GRID1: variants seen among roughly 807,000 people sequenced by gnomAD.
GRID1 encodes glutamate ionotropic receptor delta type subunit 1, also known as glutamate receptor ionotropic, delta-1.
GRID1 carries 28 observed loss-of-function variants against 98.0 expected under a neutral mutation model. The ratio of observed to expected loss-of-function variants is 0.29; its 90% CI spans 0.21 to 0.39. The LOEUF (loss-of-function observed/expected upper bound fraction) is 0.39, where lower values mean the gene tolerates loss of function less well. Among genes scored for constraint, GRID1 ranks in the 10% least tolerant of loss-of-function variants. The pLI, the probability that GRID1 is intolerant of heterozygous loss-of-function variation, is 1.00. For missense variants in GRID1, 1,111 were observed against 1,340.5 expected (o/e 0.83, Z 2.67); for synonymous variants, 553 against 538.5 (o/e 1.03, Z -0.37).
chr10:86,076,771 G>C (rs1309336087), intron 4 of GRID1, among the ~76,000 whole-genome samples: 2 of 137,070 alleles, frequency 1.5e-5, no homozygotes, highest in African/African-American at 5.4e-5. Flanking sequence ...TGAGGGCTGT[G>C]AGGGGGATTT....
intron 3 of GRID1, among the ~76,000 whole-genome samples, chr10:86,185,331 C>A (rs1845712997): frequency 6.6e-6 from 1 of 152,118 alleles, no homozygotes; most frequent in Admixed American, 6.5e-5. Flanking sequence ...TTTTAGACTG[C>A]AATGTTGCTA....
chr10:85,968,405 C>A (rs895388778), intron 4 of GRID1, among the ~76,000 whole-genome samples: 2 of 146,494 alleles, frequency 1.4e-5, no homozygotes, highest in South Asian at 4.3e-4. Flanking sequence ...GAGCCGGGAT[C>A]GCGCCACTGC....
intron 4 of GRID1, among the ~76,000 whole-genome samples, chr10:85,968,390 G>T (rs1842365320): frequency 6.7e-6 from 1 of 149,292 alleles, no homozygotes; most frequent in Non-Finnish European, 1.5e-5. Flanking sequence ...GGCGGAGCTG[G>T]CTGTGAGCCG....
At chr10:86,135,975 T>C (rs930903759) in intron 4 of GRID1, among the ~76,000 whole-genome samples, 6 of 152,064 alleles carry the variant, frequency 3.9e-5, no homozygotes, top group Admixed American at 2.0e-4. Context: ...CTGCATAACA[T>C]TGACATGCAG....
chr10:85,685,244 A>T (rs1300327599), intron 12 of GRID1, among the ~76,000 whole-genome samples: 1 of 152,224 alleles, frequency 6.6e-6, no homozygotes, highest in Non-Finnish European at 1.5e-5. Context: ...TGGATTTAAA[A>T]TCAATACACA....
chr10:86,323,267 C>T (rs890091426), intron 2 of GRID1, among the ~76,000 whole-genome samples: 1 of 152,198 alleles, frequency 6.6e-6, no homozygotes, highest in African/African-American at 2.4e-5. Context: ...CTTCACTCAG[C>T]CTCACTTTCT....
intron 13 of GRID1, among the ~76,000 whole-genome samples, chr10:85,638,989 C>T (rs1843082072): frequency 6.6e-6 from 1 of 152,122 alleles, no homozygotes; most frequent in African/African-American, 2.4e-5. Context: ...GAGTATATTA[C>T]CAGAGGTGAT....
intron 5 of GRID1, among the ~76,000 whole-genome samples, chr10:85,892,416 G>A (rs1841216146): frequency 6.6e-6 from 1 of 151,554 alleles, no homozygotes; most frequent in African/African-American, 2.4e-5. Flanking sequence ...ACCAAAGAGA[G>A]GCAAAGAAAA....
At chr10:86,191,424 C>T (rs1845801034) in intron 3 of GRID1, among the ~76,000 whole-genome samples, 1 of 151,976 alleles carries the variant, frequency 6.6e-6, no homozygotes, top group Non-Finnish European at 1.5e-5. Context: ...GAAGGTGAGT[C>T]CCTGGGTGTG....
At chr10:86,081,965 C>A (rs753649469) in intron 4 of GRID1, among the ~76,000 whole-genome samples, 12 of 152,104 alleles carry the variant, frequency 7.9e-5, no homozygotes, top group South Asian at 4.1e-4. Context: ...ATTTACAGCA[C>A]CAAAGAGTGA....
At chr10:86,182,191 G>A (rs975604387) in intron 3 of GRID1, among the ~76,000 whole-genome samples, 1 of 152,156 alleles carries the variant, frequency 6.6e-6, no homozygotes, top group South Asian at 2.1e-4. Context: ...CAGGGTCTGC[G>A]GGTGCTTCCC....
At chr10:86,102,646 G>A (rs867680807) in intron 4 of GRID1, among the ~76,000 whole-genome samples, 13 of 152,366 alleles carry the variant, frequency 8.5e-5, no homozygotes, top group African/African-American at 3.1e-4. Flanking sequence ...GTCCTGGAAA[G>A]GCCCTACCTG....
chr10:86,135,559 G>A (rs17319891), intron 4 of GRID1, among the ~76,000 whole-genome samples: 9,537 of 151,894 alleles, frequency 0.063, 363 homozygotes, highest in Middle Eastern at 0.18. Context: ...GGCCTCAGAG[G>A]ATGAATGTGG....
At chr10:85,886,668 G>C (rs918849346) in intron 5 of GRID1, among the ~76,000 whole-genome samples, 1 of 152,186 alleles carries the variant, frequency 6.6e-6, no homozygotes, top group Non-Finnish European at 1.5e-5. Context: ...TTCAAGCCAG[G>C]TTGAGGGACA....
At chr10:86,292,157 C>T (rs975785056) in intron 2 of GRID1, among the ~76,000 whole-genome samples, 45 of 152,234 alleles carry the variant, frequency 3.0e-4, no homozygotes, top group Non-Finnish European at 5.7e-4. Flanking sequence ...AAAGCACGCA[C>T]GCCCCAGCAC....
chr10:85,791,698 G>GA (rs1842482405), intron 8 of GRID1, among the ~76,000 whole-genome samples: 1 of 152,080 alleles, frequency 6.6e-6, no homozygotes, highest in Admixed American at 6.5e-5. Context: ...TCTCTTAGGG[G>GA]AAAAAAGATT....
intron 4 of GRID1, among the ~76,000 whole-genome samples, chr10:85,979,205 C>T (rs1842512008): frequency 6.6e-6 from 1 of 152,158 alleles, no homozygotes; most frequent in Admixed American, 6.5e-5. Context: ...CTCCCATGGC[C>T]TCCAGTGCCC....
chr10:85,685,955 A>T (rs962443028), intron 12 of GRID1, among the ~76,000 whole-genome samples: 4 of 152,192 alleles, frequency 2.6e-5, no homozygotes, highest in Admixed American at 6.5e-5. Context: ...AAAAAAACTA[A>T]ATGGAAAGAT....
intron 5 of GRID1, among the ~76,000 whole-genome samples, chr10:85,886,593 T>A (rs1841121492): frequency 6.6e-6 from 1 of 152,206 alleles, no homozygotes; most frequent in Non-Finnish European, 1.5e-5. Context: ...TTACTCTCTG[T>A]ATCTTTTAAG....
Sources: allele counts gnomAD v4.1 joint callset (sites outside exome capture counted in the v4.1 genomes callset), GRCh38; gene constraint gnomAD v4.1.1; transcripts MANE v1.5; gene names NCBI Gene and HGNC (gene_info 2026-07-23, HGNC 2026-07-21).